The following COLEC10 variants were observed in gnomAD, a reference collection of about 807,000 sequenced individuals.
COLEC10 encodes collectin-10.
In COLEC10, 22 loss-of-function variants were observed where a neutral mutation model predicts 28.4. That is an observed-to-expected ratio of 0.78 (90% CI 0.55 to 1.11). The LOEUF (loss-of-function observed/expected upper bound fraction) is 1.11, where lower values mean the gene tolerates loss of function less well. Among genes scored for constraint, COLEC10 ranks in the 50% least tolerant of loss-of-function variants. The probability of loss-of-function intolerance (pLI) is 0.00; values close to 1 mark genes in which losing one functional copy is unlikely to be tolerated. For synonymous variants in COLEC10, 125 were observed against 116.1 expected (o/e 1.08, Z -0.49); for missense variants, 361 against 344.1 (o/e 1.05, Z -0.39).
intron 3 of COLEC10, among the ~76,000 whole-genome samples, chr8:119,096,243 G>C (rs1815714277): frequency 6.6e-6 from 1 of 152,078 alleles, no homozygotes; most frequent in Non-Finnish European, 1.5e-5. Context: ...TTTTAAACAG[G>C]ATATGACAAA....
At chr8:118,972,999 CA>C in the COLEC10 span, among the ~76,000 whole-genome samples, 1 of 151,942 alleles carries the variant, frequency 6.6e-6, no homozygotes, top group African/African-American at 2.4e-5. Flanking sequence ...AACTCACTAT[CA>C]GAACAGCAGC....
chr8:118,959,534 C>T, the COLEC10 span, among the ~76,000 whole-genome samples: 1 of 152,186 alleles, frequency 6.6e-6, no homozygotes, highest in African/African-American at 2.4e-5. Context: ...CCTGGCAAGC[C>T]ATAAGCTCTC....
the COLEC10 span, among the ~76,000 whole-genome samples, chr8:118,970,016 C>T: frequency 6.6e-6 from 1 of 152,048 alleles, no homozygotes; most frequent in Non-Finnish European, 1.5e-5. Flanking sequence ...ATGTGAGCTA[C>T]AGACTGCATT....
chr8:119,004,839 A>C (rs935967062), intron 1 of COLEC10, among the ~76,000 whole-genome samples: 10 of 151,828 alleles, frequency 6.6e-5, no homozygotes, highest in African/African-American at 2.4e-4. Context: ...CTTCCTCCAA[A>C]ATAGCTTTCA....
At chr8:119,099,493 A>T (rs986634581) in intron 3 of COLEC10, among the ~76,000 whole-genome samples, 3 of 152,110 alleles carry the variant, frequency 2.0e-5, no homozygotes, top group Non-Finnish European at 4.4e-5. Flanking sequence ...AAGGAGGCTT[A>T]GAGAAATTAA....
chr8:119,105,720 A>T, intron 5 of COLEC10, 80 bp from the exon 6 acceptor site: 2 of 1,225,048 alleles, frequency 1.6e-6, no homozygotes, highest in Non-Finnish European at 2.2e-6. Context: ...AAATAAATGT[A>T]AATCTGGCAA....
chr8:119,049,090 T>C (rs569668740), intron 2 of COLEC10, among the ~76,000 whole-genome samples: 6 of 152,318 alleles, frequency 3.9e-5, no homozygotes, highest in Admixed American at 2.6e-4. Context: ...CCTTCCCTTA[T>C]GAAGCTTAGT....
In COLEC10 at chr8:119,102,392, G is replaced by A; in HGVS notation, c.337G>A (p.Gly113Ser). ...KGLLGIPGEK[G>S]KAGTVCDCGR... is the part of the protein sequence containing the mutation. ...TTTGCTTGGAATACCTGGAGAAAAA[G>A]GCAAAGCAGGTACGATATGTTCAAT... The change falls in exon 4 of 6, where the codon GGC becomes AGC. Residue 113 changes from glycine to serine, a missense_variant. Around this residue, in one of 3 missense-constraint regions of COLEC10, gnomAD observed 335 missense variants for 308.5 expected, o/e 1.09. Transcript: ENST00000332843. 1 of 1,609,402 alleles carries A rather than the reference G, an allele frequency of 6.2e-7. No individual in the cohort carries two copies. The highest frequency in any genetic ancestry group is 1.7e-5 in the Admixed American group (1 of 59,662).
At position 119,069,629 on chromosome 8, in the gene COLEC10, AATATATATATATATATAT is replaced by A. The variant is rs1207445435; in HGVS notation, c.148+2215_148+2232del. 4.0e-4 allele frequency among the ~76,000 whole-genome samples: 17 copies of A among 42,880 alleles called. 1 individual carries two copies. The highest frequency in any genetic ancestry group is 1.5e-3 in the South Asian group (1 of 670). 28.1% of individuals were successfully genotyped at this position (42,880 alleles called of 152,430 possible). A position where few individuals can be genotyped will look rare whatever the true frequency, so the allele number is the denominator to read the frequency against. On this transcript the variant is annotated intron_variant, in intron 1 of 5. Coordinates refer to ENST00000332843, the MANE Select transcript of COLEC10 (RefSeq NM_006438.5). ...TCAAAAAAAAAAAAAAAAAAAAAAA[AATATATATATATATATAT>A]ATATATATATATATGTAAACTGCCA...
At chr8:118,974,240 A>G in the COLEC10 span, among the ~76,000 whole-genome samples, 1 of 151,556 alleles carries the variant, frequency 6.6e-6, no homozygotes, top group African/African-American at 2.4e-5. Flanking sequence ...GTTTTCTTTC[A>G]CCACTAAAAG....
the COLEC10 span, chr8:118,983,011 T>A: frequency 6.6e-6 from 1 of 152,318 alleles, no homozygotes; most frequent in African/African-American, 2.4e-5. Context: ...TCCACGATGC[T>A]TCTTGTGTCA....
chr8:119,092,162 C>T (rs139506240), intron 3 of COLEC10, among the ~76,000 whole-genome samples: 31 of 150,664 alleles, frequency 2.1e-4, no homozygotes, highest in South Asian at 6.4e-4. Context: ...CTCTGCCTCC[C>T]GGGTTCAAGC....
intron 2 of COLEC10, among the ~76,000 whole-genome samples, chr8:119,023,153 G>A (rs1814128298): frequency 6.6e-6 from 1 of 152,076 alleles, no homozygotes; most frequent in South Asian, 2.1e-4. Context: ...GTCCGTCACT[G>A]CCTGCTTTCT....
chr8:119,076,428 A>T (rs924549618), intron 1 of COLEC10, among the ~76,000 whole-genome samples: 1 of 151,310 alleles, frequency 6.6e-6, no homozygotes, highest in African/African-American at 2.4e-5. Flanking sequence ...CATCCAGCTA[A>T]TTTTTTGTAT....
Position 119,087,252 on chromosome 8 carries a change from A to G in COLEC10, c.149-2428A>G, listed in dbSNP as rs114717797. 8.8e-3 allele frequency among the ~76,000 whole-genome samples: 1,345 copies of G among 152,308 alleles called. 18 individuals carry two copies. The highest frequency in any genetic ancestry group is 0.031 in the African/African-American group (1,278 of 41,576). ...GAGATGCTAGAAAAAATCACTTATG[A>G]TCCCACCATGCTTTGGGTCACAGGG... On this transcript the variant is annotated intron_variant, in intron 1 of 5. Transcript: ENST00000332843.
chr8:119,006,852 T>C (rs1813809241), intron 1 of COLEC10, among the ~76,000 whole-genome samples: 2 of 152,094 alleles, frequency 1.3e-5, no homozygotes, highest in East Asian at 1.9e-4. Flanking sequence ...TATAAGGTAA[T>C]TTGTTCACAA....
intron 2 of COLEC10, among the ~76,000 whole-genome samples, chr8:119,052,315 T>G (rs1227473744): frequency 6.6e-6 from 1 of 152,120 alleles, no homozygotes; most frequent in Non-Finnish European, 1.5e-5. Context: ...GCACCAAGTC[T>G]TTGCATATAC....
chr8:119,074,048 C>A (rs1815178440), intron 1 of COLEC10, among the ~76,000 whole-genome samples: 1 of 151,668 alleles, frequency 6.6e-6, no homozygotes, highest in Non-Finnish European at 1.5e-5. Flanking sequence ...TGCCACTTAC[C>A]TAGCTATACG....
intron 2 of COLEC10, among the ~76,000 whole-genome samples, chr8:119,029,140 G>T (rs1171935512): frequency 6.6e-6 from 1 of 152,116 alleles, no homozygotes; most frequent in Admixed American, 6.6e-5. Context: ...AGAGCACAGG[G>T]TTCCCAAAGG....
Sources: allele counts gnomAD v4.1 joint callset (sites outside exome capture counted in the v4.1 genomes callset), GRCh38; gene constraint gnomAD v4.1.1; regional missense constraint gnomAD v4.1.1; transcripts MANE v1.5; gene names NCBI Gene and HGNC (gene_info 2026-07-23, HGNC 2026-07-21).